Variants in ZFHX4 observed in about 807,000 individuals in gnomAD.
The protein encoded by ZFHX4 is zinc finger homeobox protein 4.
A neutral mutation model predicts 267.6 loss-of-function variants in ZFHX4; 56 were observed. That is an observed-to-expected ratio of 0.21 (90% CI 0.17 to 0.26). ZFHX4 has a LOEUF of 0.26. ZFHX4 is among the 10% of genes least tolerant of loss of function. The pLI, the probability that ZFHX4 is intolerant of heterozygous loss-of-function variation, is 1.00. For synonymous variants in ZFHX4, 1,778 were observed against 1,665.6 expected (o/e 1.07, Z -1.64); for missense variants, 4,332 against 4,420.0 (o/e 0.98, Z 0.56).
At chr8:76,827,048 C>G (rs1279506274) in intron 4 of ZFHX4, among the ~76,000 whole-genome samples, 1 of 152,174 alleles carries the variant, frequency 6.6e-6, no homozygotes, top group Non-Finnish European at 1.5e-5. Context: ...GAAATTTCTT[C>G]TAGACAATAA....
At chr8:76,842,117 GA>G (rs1047104575) in intron 5 of ZFHX4, among the ~76,000 whole-genome samples, 17 of 149,222 alleles carry the variant, frequency 1.1e-4, no homozygotes, top group Admixed American at 3.3e-4. Flanking sequence ...CTCTACAGAA[GA>G]AAAAAAAAAT....
At chr8:76,763,365 G>A (rs983500939) in intron 3 of ZFHX4, among the ~76,000 whole-genome samples, 1 of 152,214 alleles carries the variant, frequency 6.6e-6, no homozygotes, top group Non-Finnish European at 1.5e-5. Context: ...GCTCATGCCT[G>A]TAATCCCAGC....
Position 76,706,166 on chromosome 8 carries a change from C to T in ZFHX4, c.2078C>T (p.Thr693Met), listed in dbSNP as rs764892265. Residue 693 changes from threonine to methionine, a missense_variant, in exon 2 of 11, where the codon ACG becomes ATG. Thr to Met is a moderately conservative substitution (Grantham distance 81). Around this residue, in one of 7 missense-constraint regions of ZFHX4, gnomAD observed 1,195 missense variants for 1,173.6 expected, o/e 1.02. Coordinates refer to ENST00000651372, the MANE Select transcript of ZFHX4 (RefSeq NM_024721.5). ...HPRLARGESYTCGYKPFRCEV... is the reference protein window; with the variant it reads ...HPRLARGESYMCGYKPFRCEV... ...AGGCTTGCCCGGGGTGAGAGTTACA[C>T]GTGTGGCTATAAACCCTTCCGTTGT... 3.7e-6 allele frequency: 6 copies of T among 1,613,932 alleles called. No homozygotes were observed. The highest frequency in any genetic ancestry group is 2.2e-5 in the South Asian group (2 of 91,066).
chr8:76,699,947 G>C (rs1407250721), intron 1 of ZFHX4, among the ~76,000 whole-genome samples: 1 of 151,710 alleles, frequency 6.6e-6, no homozygotes, highest in Non-Finnish European at 1.5e-5. Flanking sequence ...ACTTGTGAAG[G>C]TCTATTCATT....
chr8:76,851,535 T>G lies in ZFHX4; in HGVS notation c.4614T>G (p.Ser1538=). The part of the protein sequence containing the change: ...NFTMEKFLDP[S]RPYKCTVCKE... Reference sequence around the variant, plus strand: ...CGATGGAAAAATTCCTTGATCCATCTCGTCCATATAAATGTACAGTGTGTA... The same window carrying G: ...CGATGGAAAAATTCCTTGATCCATCGCGTCCATATAAATGTACAGTGTGTA... Residue 1538 remains serine, a synonymous_variant, in exon 10 of 11, where the codon TCT becomes TCG. Coordinates refer to ENST00000651372, the MANE Select transcript of ZFHX4 (RefSeq NM_024721.5). 1 of 1,613,978 alleles carries G rather than the reference T, an allele frequency of 6.2e-7. No homozygotes were observed.
Position 76,852,436 on chromosome 8 carries a change from A to G in ZFHX4, c.5515A>G (p.Ser1839Gly). Reference protein sequence around the residue: ...QASKLLKQEQSNIVSADCQIM... With the variant: ...QASKLLKQEQGNIVSADCQIM... ...AAGCAAATTATTGAAACAAGAGCAA[A>G]GTAACATAGTGAGTGCAGACTGCCA... Residue 1839 changes from serine (S) to glycine (G), a missense_variant, in exon 10 of 11, where the codon AGT (serine) becomes GGT (glycine). Ser to Gly is a moderately conservative substitution (Grantham distance 56). Around this residue, in one of 7 missense-constraint regions of ZFHX4, gnomAD observed 1,371 missense variants for 1,423.1 expected, o/e 0.96. Coordinates refer to ENST00000651372, the MANE Select transcript of ZFHX4 (RefSeq NM_024721.5). 2 of 1,561,158 alleles carry G rather than the reference A, an allele frequency of 1.3e-6. No individual in the cohort carries two copies. The highest frequency in any genetic ancestry group is 1.7e-6 in the Non-Finnish European group (2 of 1,152,220).
Position 76,852,143 on chromosome 8 carries a change from T to C in ZFHX4, c.5222T>C (p.Phe1741Ser). 1 of 1,613,912 alleles carries C rather than the reference T, an allele frequency of 6.2e-7. No homozygotes were observed. The highest frequency in any genetic ancestry group is 2.2e-5 in the East Asian group (1 of 44,856). The change falls in exon 10 of 11, where the codon TTT becomes TCT. Residue 1741 changes from phenylalanine (F) to serine (S), a missense_variant. Physicochemically the swap from Phe to Ser is radical, Grantham distance 155 (BLOSUM62 -2). Around this residue, in one of 7 missense-constraint regions of ZFHX4, gnomAD observed 1,371 missense variants for 1,423.1 expected, o/e 0.96. Coordinates refer to ENST00000651372, the MANE Select transcript of ZFHX4 (RefSeq NM_024721.5). Reference protein sequence around the residue: ...QFQQPQFLFPFYIPGTEFSLG... With the variant: ...QFQQPQFLFPSYIPGTEFSLG... Reference sequence around the variant, plus strand: ...CAGCAGCCTCAGTTTCTCTTTCCATTTTATATACCTGGGACGGAGTTCAGC... The same window carrying C: ...CAGCAGCCTCAGTTTCTCTTTCCATCTTATATACCTGGGACGGAGTTCAGC...
chr8:76,842,890 T>G (rs146822959), intron 6 of ZFHX4, 119 bp downstream of exon 6: 30 of 647,192 alleles, frequency 4.6e-5, no homozygotes, highest in Admixed American at 1.8e-4. Context: ...CATTTTAAAC[T>G]GTCTGAACAT....
At chr8:76,725,043 A>G (rs1808817139) in intron 3 of ZFHX4, among the ~76,000 whole-genome samples, 1 of 151,836 alleles carries the variant, frequency 6.6e-6, no homozygotes, top group Admixed American at 6.6e-5. Flanking sequence ...TGATGTGTGT[A>G]TATATGTATG....
At chr8:76,792,060 G>A (rs979808305) in intron 4 of ZFHX4, among the ~76,000 whole-genome samples, 6 of 151,930 alleles carry the variant, frequency 3.9e-5, no homozygotes, top group East Asian at 3.9e-4. Context: ...TTATATATTC[G>A]TTTACTCTGG....
chr8:76,817,052 G>A lies in ZFHX4; in HGVS notation c.3326-16286G>A, dbSNP rs201449784. On this transcript the variant is annotated intron_variant, in intron 4 of 10. Coordinates refer to ENST00000651372, the MANE Select transcript of ZFHX4 (RefSeq NM_024721.5). ...GTTTAAGCAAATTAGGGTAGATTAGGAAACACTTTAAAAAAAAGGTTCAGC... is the reference window on the plus strand; with the variant it reads ...GTTTAAGCAAATTAGGGTAGATTAGAAAACACTTTAAAAAAAAGGTTCAGC... Among the ~76,000 whole-genome samples the A allele has an allele frequency of 5.9e-5, 9 of 152,050 alleles. No homozygotes were observed. The East Asian group carries it at 1.5e-3, about 26-fold the overall frequency.
intron 4 of ZFHX4, among the ~76,000 whole-genome samples, chr8:76,825,989 C>A (rs1811775407): frequency 1.3e-5 from 2 of 152,120 alleles, no homozygotes; most frequent in Non-Finnish European, 2.9e-5. Context: ...GTTTTTGCAT[C>A]ACTCTGAAGA....
At chr8:76,823,913 A>G (rs1050874214) in intron 4 of ZFHX4, among the ~76,000 whole-genome samples, 2 of 152,220 alleles carry the variant, frequency 1.3e-5, no homozygotes, top group Non-Finnish European at 2.9e-5. Context: ...ATGGCAGGAT[A>G]TATAAACATT....
rs759633649 is a variant in ZFHX4, at chr8:76,849,670, G to A, written c.3804G>A (p.Leu1268=). Residue 1268 remains leucine (L), a synonymous_variant, in exon 8 of 11, where the codon TTG becomes TTA. Coordinates refer to ENST00000651372, the MANE Select transcript of ZFHX4 (RefSeq NM_024721.5). ...KMHLQLHLTH[L]HSVSPDCVEK... ...ATCTCCAACTGCATCTGACGCATTT[G>A]CACAGTGTGTCTCCAGACTGTGTGG... 1 of 1,613,902 alleles carries A rather than the reference G, an allele frequency of 6.2e-7. No individual in the cohort carries two copies. Among genetic ancestry groups the A allele is most frequent in the Non-Finnish European group, 8.5e-7 (1 of 1,179,832 alleles).
chr8:76,855,612 C>T lies in ZFHX4; in HGVS notation c.8691C>T (p.Asp2897=), dbSNP rs1812697850. ...CAGATGACCCGGATGACAACGCCGA[C>T]CGCAGCGAAACGTCCAGCATAGCGG... ...YITDDPDDNA[D]RSETSSIADP... The change falls in exon 10 of 11, where the codon GAC becomes GAT. Residue 2897 remains aspartate (D), a synonymous_variant. Transcript: ENST00000651372. 3 of 1,613,688 alleles carry T rather than the reference C, an allele frequency of 1.9e-6. No homozygotes were observed. Among genetic ancestry groups the T allele is most frequent in the Non-Finnish European group, 2.5e-6 (3 of 1,179,794 alleles).
intron 1 of ZFHX4, among the ~76,000 whole-genome samples, chr8:76,691,514 T>G (rs1211773526): frequency 6.6e-6 from 1 of 152,138 alleles, no homozygotes; most frequent in Non-Finnish European, 1.5e-5. Flanking sequence ...TTTTTGATTC[T>G]GCGTACTTTG....
intron 3 of ZFHX4, among the ~76,000 whole-genome samples, chr8:76,713,214 C>T (rs1183641047): frequency 6.6e-6 from 1 of 152,088 alleles, no homozygotes; most frequent in African/African-American, 2.4e-5. Context: ...TGAGAACCCT[C>T]TTTGTACCAT....
chr8:76,801,922 A>G (rs770482947), intron 4 of ZFHX4, among the ~76,000 whole-genome samples: 13 of 152,130 alleles, frequency 8.5e-5, no homozygotes, highest in Non-Finnish European at 4.4e-5. Context: ...TGTGCAGGTT[A>G]ATAGAGATTG....
chr8:76,699,011 A>C (rs1808031729), intron 1 of ZFHX4, among the ~76,000 whole-genome samples: 7 of 152,164 alleles, frequency 4.6e-5, no homozygotes, highest in Admixed American at 4.6e-4. Flanking sequence ...TGGTTAATGC[A>C]GTATAATTGT....
Sources: gnomAD v4.1 joint callset for allele counts (sites outside exome capture counted in the v4.1 genomes callset) on GRCh38, gnomAD v4.1.1 for gene constraint, gnomAD v4.1.1 regional missense constraint, MANE v1.5 for transcripts, NCBI Gene and HGNC (gene_info 2026-07-23, HGNC 2026-07-21) for gene names.